Variants in AFF3 observed in about 807,000 individuals in gnomAD.
The protein encoded by AFF3 is ALF transcription elongation factor 3.
Under a neutral mutation model 129.7 loss-of-function variants are expected in AFF3, and 32 were observed. The observed-to-expected ratio is 0.25, with a 90% confidence interval of 0.19 to 0.33. The LOEUF is 0.33. Among genes scored for constraint, AFF3 ranks in the 10% least tolerant of loss-of-function variants. The probability of loss-of-function intolerance (pLI) is 1.00; values close to 1 mark genes in which losing one functional copy is unlikely to be tolerated. For missense variants in AFF3, 1,373 were observed against 1,592.0 expected (o/e 0.86, Z 2.34); for synonymous variants, 644 against 635.4 (o/e 1.01, Z -0.20).
intron 7 of AFF3, among the ~76,000 whole-genome samples, chr2:99,963,377 T>C (rs2104349391): frequency 6.6e-6 from 1 of 152,248 alleles, no homozygotes; most frequent in African/African-American, 2.4e-5. Context: ...AATTGATGGT[T>C]GAAGCAAAAA....
intron 4 of AFF3, among the ~76,000 whole-genome samples, chr2:100,038,698 T>C (rs892481312): frequency 6.6e-6 from 1 of 151,802 alleles, no homozygotes; most frequent in Admixed American, 6.6e-5. Flanking sequence ...CATGGGACTA[T>C]GCAGCATATT....
chr2:100,085,677 T>G (rs1275605004), intron 4 of AFF3, among the ~76,000 whole-genome samples: 2 of 151,754 alleles, frequency 1.3e-5, no homozygotes, highest in African/African-American at 4.8e-5. Context: ...GGCATCACTT[T>G]CTCTGCTGTA....
intron 8 of AFF3, among the ~76,000 whole-genome samples, chr2:99,771,081 A>C (rs1242788971): frequency 6.6e-6 from 1 of 152,202 alleles, no homozygotes; most frequent in Non-Finnish European, 1.5e-5. Context: ...CGCAACCATA[A>C]AAAGGAACAA....
intron 7 of AFF3, among the ~76,000 whole-genome samples, chr2:99,910,737 T>G (rs1410220354): frequency 6.6e-6 from 1 of 152,244 alleles, no homozygotes; most frequent in Non-Finnish European, 1.5e-5. Context: ...CTACTTTTAC[T>G]TACAATGTAA....
intron 7 of AFF3, among the ~76,000 whole-genome samples, chr2:99,995,867 C>T (rs181727621): frequency 7.9e-4 from 120 of 152,052 alleles, no homozygotes; most frequent in African/African-American, 2.8e-3. Context: ...TCTTTTAACT[C>T]AATGAGAAAA....
In AFF3 at chr2:100,006,644, G is replaced by C; in HGVS notation, c.861C>G (p.Pro287=). The C allele has an allele frequency of 6.2e-7, 1 of 1,606,376 alleles. No homozygotes were observed. Among genetic ancestry groups the C allele is most frequent in the Non-Finnish European group, 8.5e-7 (1 of 1,173,704 alleles). Residue 287 remains proline (P), a synonymous_variant, in exon 7 of 25, where the codon CCC becomes CCG. Transcript: ENST00000672756. ...AKAKLSKFSI[P]KQGEESRSGE... is the part of the protein sequence containing the mutation. Reference sequence around the variant, plus strand: ...GATAAAGACTCACCTCCCCCTGCTTGGGGATGCTGAACTTGGAGAGCTTGG... The same window carrying C: ...GATAAAGACTCACCTCCCCCTGCTTCGGGATGCTGAACTTGGAGAGCTTGG...
chr2:99,991,006 C>G (rs1342357076), intron 7 of AFF3, among the ~76,000 whole-genome samples: 3 of 152,104 alleles, frequency 2.0e-5, no homozygotes, highest in Admixed American at 6.5e-5. Flanking sequence ...ACCACAGGCT[C>G]AAATGAGGCC....
chr2:99,548,899 CGTGCTCCACAG>C lies in AFF3; in HGVS notation c.*2564_*2574del, dbSNP rs1483237152. 4.3e-6 allele frequency: 1 copy of C among 230,872 alleles called. No homozygotes were observed. Among genetic ancestry groups the C allele is most frequent in the Non-Finnish European group, 8.5e-6 (1 of 117,660 alleles). 14.3% of individuals were successfully genotyped at this position (230,872 alleles called of 1,614,324 possible). On this transcript the variant is annotated 3_prime_UTR_variant, in exon 25 of 25. Coordinates refer to ENST00000672756, the MANE Select transcript of AFF3 (RefSeq NM_001386135.1). ...AACTGCTGTACCAACGTGCTCCACA[CGTGCTCCACAG>C]ATGAAACAAGACAGTCATAAGAACT...
intron 19 of AFF3, among the ~76,000 whole-genome samples, chr2:99,568,155 C>A (rs1676149963): frequency 6.6e-6 from 1 of 152,198 alleles, no homozygotes; most frequent in Non-Finnish European, 1.5e-5. Flanking sequence ...ATTTCCAGCA[C>A]CTGCCTCAAT....
At chr2:99,640,594 A>G (rs1207080913) in intron 13 of AFF3, among the ~76,000 whole-genome samples, 2 of 150,544 alleles carry the variant, frequency 1.3e-5, no homozygotes, top group African/African-American at 2.4e-5. Context: ...AGGAGAGAGT[A>G]GGGAAAGCTG....
rs367768868 is a variant in AFF3 at position 99,648,881 on chromosome 2, G to GCACACACACACACACACACACACA, written c.1184+744_1184+745insTGTGTGTGTGTGTGTGTGTGTGTG. ...ACCTCCTGACAGTTCCTCAAAACAC[G>GCACACACACACACACACACACACA]CGCGCACACACACACACACACACAC... On this transcript the variant is annotated intron_variant, in intron 13 of 24. Coordinates refer to ENST00000672756, the MANE Select transcript of AFF3 (RefSeq NM_001386135.1). 5.5e-4 allele frequency among the ~76,000 whole-genome samples: 36 copies of GCACACACACACACACACACACACA among 64,934 alleles called. 2 individuals are homozygous for GCACACACACACACACACACACACA. The highest frequency in any genetic ancestry group is 7.9e-4 in the Non-Finnish European group (25 of 31,736). 42.6% of individuals were successfully genotyped at this position (64,934 alleles called of 152,430 possible).
At chr2:99,904,875 C>A (rs1157677167) in intron 7 of AFF3, among the ~76,000 whole-genome samples, 2 of 152,064 alleles carry the variant, frequency 1.3e-5, no homozygotes, top group Non-Finnish European at 2.9e-5. Context: ...TCGAGCCGTT[C>A]CCATATTGCT....
chr2:99,569,514 A>G (rs1299215798), intron 18 of AFF3, among the ~76,000 whole-genome samples: 2 of 152,216 alleles, frequency 1.3e-5, no homozygotes, highest in Non-Finnish European at 2.9e-5. Flanking sequence ...CAAACATGCC[A>G]TGTATTCTCT....
chr2:99,782,235 G>C (rs547592912), intron 8 of AFF3, among the ~76,000 whole-genome samples: 2 of 152,300 alleles, frequency 1.3e-5, no homozygotes, highest in South Asian at 4.1e-4. Context: ...AAGGCTTAAA[G>C]GTAGACCCTA....
chr2:99,747,728 A>T (rs1681284313), intron 9 of AFF3, among the ~76,000 whole-genome samples: 1 of 152,050 alleles, frequency 6.6e-6, no homozygotes, highest in East Asian at 1.9e-4. Flanking sequence ...TAATTGGTAT[A>T]AAAAAAATCT....
chr2:99,855,903 T>A (rs1295005580), intron 7 of AFF3, among the ~76,000 whole-genome samples: 2 of 152,204 alleles, frequency 1.3e-5, no homozygotes, highest in African/African-American at 4.8e-5. Flanking sequence ...AGACCTGATA[T>A]GATATGATTA....
chr2:99,775,117 AGGAATGCTTTT>A (rs1399750126), intron 8 of AFF3, among the ~76,000 whole-genome samples: 1 of 152,248 alleles, frequency 6.6e-6, no homozygotes, highest in Non-Finnish European at 1.5e-5. Context: ...GTGGAGAAGA[AGGAATGCTTTT>A]ATACTGTTGG....
chr2:99,933,670 T>C (rs1274116893), intron 7 of AFF3, among the ~76,000 whole-genome samples: 1 of 152,206 alleles, frequency 6.6e-6, no homozygotes, highest in East Asian at 1.9e-4. Context: ...GCAAAGGACA[T>C]GAACTCATCC....
intron 7 of AFF3, among the ~76,000 whole-genome samples, chr2:99,839,461 A>G (rs1287749773): frequency 1.3e-5 from 2 of 151,952 alleles, no homozygotes; most frequent in Non-Finnish European, 2.9e-5. Flanking sequence ...TGGCTGTACC[A>G]TTTTACATTC....
Sources: gnomAD v4.1 joint callset for allele counts (sites outside exome capture counted in the v4.1 genomes callset) on GRCh38, gnomAD v4.1.1 for gene constraint, MANE v1.5 for transcripts, NCBI Gene and HGNC (gene_info 2026-07-23, HGNC 2026-07-21) for gene names.